The following GABRR3 variants were observed in gnomAD, a reference collection of about 807,000 sequenced individuals.
GABRR3 encodes the protein gamma-aminobutyric acid type A receptor subunit rho3, also known as gamma-aminobutyric acid receptor subunit rho-3.
A neutral mutation model predicts 43.2 loss-of-function variants in GABRR3; 29 were observed. The observed-to-expected ratio is 0.67, with a 90% confidence interval of 0.50 to 0.92. The LOEUF is 0.92. GABRR3 is among the 40% of genes least tolerant of loss of function. The pLI is 0.00. For missense variants in GABRR3, 576 were observed against 572.3 expected (o/e 1.01, Z -0.07); for synonymous variants, 206 against 195.9 (o/e 1.05, Z -0.43).
At chr3:98,007,795 T>C (rs1706740749) in exon 7 of GABRR3, 1 of 1,613,564 alleles carries the variant, frequency 6.2e-7, no homozygotes, top group Non-Finnish European at 8.5e-7. Flanking sequence ...ATCCACTAGA[T>C]GCACTGAAGT....
rs747256149 is a variant in GABRR3 at position 98,025,638 on chromosome 3, G to A, written c.167C>T (p.Ala56Val). ...AAGTTGCTCATATTTCTGAGGCCGCGCTTTGGTACTGTCATCTTTCTTCAT... is the reference window on the plus strand; with the variant it reads ...AAGTTGCTCATATTTCTGAGGCCGCACTTTGGTACTGTCATCTTTCTTCAT... Residue 56 changes from alanine to valine, a missense_variant, in exon 3 of 10, where the codon GCG becomes GTG. Transcript: ENST00000621172. 2.5e-5 allele frequency: 41 copies of A among 1,612,586 alleles called. No homozygotes were observed. The highest frequency in any genetic ancestry group is 3.3e-5 in the South Asian group (3 of 90,778).
chr3:97,997,452 TA>T (rs1322061243), intron 8 of GABRR3: 1 of 152,172 alleles, frequency 6.6e-6, no homozygotes, highest in Non-Finnish European at 1.5e-5. Context: ...ATTTATATTT[TA>T]AAAAGGTAAT....
At position 98,017,385 on chromosome 3, in the gene GABRR3, T is replaced by C. The variant is rs182093258; in HGVS notation, c.306+270A>G. ...ACAATTGTTCCCAGTTCTTGCTACA[T>C]TGGTAAATATATCATGATGTTCTAC... On this transcript the variant is annotated intron_variant, in intron 4 of 9. Transcript: ENST00000621172. 2.7e-3 allele frequency among the ~76,000 whole-genome samples: 418 copies of C among 152,290 alleles called. 5 individuals are homozygous for C. Among genetic ancestry groups the C allele is most frequent in the Middle Eastern group, 3.4e-3 (1 of 294 alleles).
At chr3:98,008,798 C>CAAAAAAAAAAAAAAAAAAA (rs57502092) in intron 6 of GABRR3, 158 bp downstream of exon 6, 7 of 113,818 alleles carry the variant, frequency 6.2e-5, no homozygotes, top group Non-Finnish European at 8.8e-5. Context: ...AAACAGAAAC[C>CAAAAAAAAAAAAAAAAAAA]AAAAAAAAAA....
intron 8 of GABRR3, chr3:97,997,751 A>G (rs1473912952): frequency 6.6e-6 from 1 of 152,234 alleles, no homozygotes; most frequent in East Asian, 1.9e-4. Flanking sequence ...AGGATCGATC[A>G]AAAACCATGA....
At chr3:97,985,924 T>C (rs1221069749), downstream of GABRR3, among the ~76,000 whole-genome samples, 2 of 152,104 alleles carry the variant, frequency 1.3e-5, no homozygotes, top group African/African-American at 2.4e-5. Flanking sequence ...TAGAGTGCAG[T>C]GGCTCAATCT....
intron 7 of GABRR3, among the ~76,000 whole-genome samples, chr3:98,005,249 C>A (rs1706711305): frequency 1.4e-5 from 2 of 146,052 alleles, no homozygotes; most frequent in South Asian, 4.4e-4. Context: ...ACACGATATG[C>A]ACAGATATGT....
chr3:98,021,125 A>C (rs1386138977), intron 3 of GABRR3, among the ~76,000 whole-genome samples: 3 of 151,890 alleles, frequency 2.0e-5, no homozygotes, highest in Non-Finnish European at 4.4e-5. Flanking sequence ...TCGGCCTCCC[A>C]AAGTGCTGGG....
chr3:98,026,284 G>A (rs1282748432), intron 2 of GABRR3, among the ~76,000 whole-genome samples: 1 of 152,166 alleles, frequency 6.6e-6, no homozygotes, highest in Non-Finnish European at 1.5e-5. Context: ...CAATATTTAT[G>A]CCTGAAGCCA....
At chr3:98,021,588 A>T (rs936608833) in intron 3 of GABRR3, among the ~76,000 whole-genome samples, 1 of 152,234 alleles carries the variant, frequency 6.6e-6, no homozygotes, top group Non-Finnish European at 1.5e-5. Context: ...CTTACATGTT[A>T]TCTATCTATT....
At chr3:98,021,049 G>A (rs1651462354) in intron 3 of GABRR3, among the ~76,000 whole-genome samples, 1 of 151,342 alleles carries the variant, frequency 6.6e-6, no homozygotes, top group African/African-American at 2.4e-5. Flanking sequence ...ATTTTTAGTA[G>A]AGACTGGGTT....
At chr3:98,008,349 G>A (rs1471704160) in intron 6 of GABRR3, among the ~76,000 whole-genome samples, 1 of 152,198 alleles carries the variant, frequency 6.6e-6, no homozygotes, top group Non-Finnish European at 1.5e-5. Flanking sequence ...GTCAAATAGT[G>A]GTATGGAAAA....
At chr3:98,005,705 T>C (rs1706715970) in intron 7 of GABRR3, among the ~76,000 whole-genome samples, 1 of 152,178 alleles carries the variant, frequency 6.6e-6, no homozygotes, top group Admixed American at 6.5e-5. Flanking sequence ...GTGGTAAAGT[T>C]AGAATTTTGA....
chr3:98,035,314 G>A (rs1707138493), upstream of GABRR3: 1 of 249,008 alleles, frequency 4.0e-6, no homozygotes, highest in Non-Finnish European at 7.8e-6. Context: ...TAAACCCTCA[G>A]CGGCAGTCCT....
At chr3:98,033,162 T>A (rs1707111346) in intron 2 of GABRR3, among the ~76,000 whole-genome samples, 1 of 152,120 alleles carries the variant, frequency 6.6e-6, no homozygotes. Flanking sequence ...TGTGATGGTT[T>A]ATGCAATCTC....
At chr3:98,022,621 G>A (rs1390511288) in intron 3 of GABRR3, among the ~76,000 whole-genome samples, 1 of 152,184 alleles carries the variant, frequency 6.6e-6, no homozygotes, top group Non-Finnish European at 1.5e-5. Context: ...GCAAGAGAAG[G>A]TTAAGGGGTG....
At chr3:98,010,966 G>A (rs1706782429) in intron 5 of GABRR3, among the ~76,000 whole-genome samples, 1 of 152,058 alleles carries the variant, frequency 6.6e-6, no homozygotes, top group Admixed American at 6.6e-5. Flanking sequence ...TGGGCATGGT[G>A]GCAGGCACCT....
intron 3 of GABRR3, among the ~76,000 whole-genome samples, chr3:98,020,271 A>T (rs528704236): frequency 6.6e-6 from 1 of 152,230 alleles, no homozygotes; most frequent in South Asian, 2.1e-4. Context: ...TTGTCTAGTA[A>T]TACTTACCTT....
At chr3:97,993,605 A>G (rs949567536) in intron 8 of GABRR3, among the ~76,000 whole-genome samples, 8 of 152,198 alleles carry the variant, frequency 5.3e-5, no homozygotes, top group African/African-American at 1.9e-4. Flanking sequence ...TCGATTGTTA[A>G]TGAAACTACA....
Sources: gnomAD v4.1 joint callset for allele counts (sites outside exome capture counted in the v4.1 genomes callset) on GRCh38, gnomAD v4.1.1 for gene constraint, MANE v1.5 for transcripts, NCBI Gene and HGNC (gene_info 2026-07-23, HGNC 2026-07-21) for gene names.